Variants in NAV1 observed in about 807,000 individuals in gnomAD.
NAV1 encodes the protein pore membrane and/or filament interacting like protein 3.
A neutral mutation model predicts 175.2 loss-of-function variants in NAV1; 18 were observed. The observed-to-expected ratio is 0.10, with a 90% CI of 0.07 to 0.15. The LOEUF (loss-of-function observed/expected upper bound fraction) is 0.15, where lower values mean the gene tolerates loss of function less well. Among genes scored for constraint, NAV1 ranks in the 10% least tolerant of loss-of-function variants. The pLI is 1.00. For synonymous variants in NAV1, 897 were observed against 978.7 expected, an observed-to-expected ratio of 0.92 and a Z score of 1.56; for missense variants, 1,731 against 2,436.6, an observed-to-expected ratio of 0.71 and a Z score of 6.10.
chr1:201,746,705 A>C (rs1673789023), intron 3 of NAV1, among the ~76,000 whole-genome samples: 1 of 152,142 alleles, frequency 6.6e-6, no homozygotes, highest in South Asian at 2.1e-4. Flanking sequence ...ACTGCATCAA[A>C]ATTTGGAGAG....
At chr1:201,687,566 T>A (rs1218017096) in intron 1 of NAV1, among the ~76,000 whole-genome samples, 1 of 152,218 alleles carries the variant, frequency 6.6e-6, no homozygotes, top group African/African-American at 2.4e-5. Context: ...CTAATAGCCC[T>A]TAGAATATAC....
chr1:201,588,292 T>C (rs756710174), intron 1 of NAV1, among the ~76,000 whole-genome samples: 3 of 152,194 alleles, frequency 2.0e-5, no homozygotes, highest in Non-Finnish European at 4.4e-5. Flanking sequence ...TCTTGCTAAG[T>C]GAAAAAAGCC....
intron 1 of NAV1, among the ~76,000 whole-genome samples, chr1:201,570,734 A>G (rs760212693): frequency 3.9e-5 from 6 of 152,226 alleles, no homozygotes; most frequent in Non-Finnish European, 8.8e-5. Flanking sequence ...AGAGGCACCA[A>G]GCACATTGAG....
At chr1:201,644,488 G>T (rs1255033223), upstream of NAV1, among the ~76,000 whole-genome samples, 1 of 152,220 alleles carries the variant, frequency 6.6e-6, no homozygotes, top group Non-Finnish European at 1.5e-5. Context: ...TCACATTAGG[G>T]AGTGTCAGAA....
Position 201,808,013 on chromosome 1 carries a change from T to C in NAV1, c.3709T>C (p.Tyr1237His), listed in dbSNP as rs1678413648. Reference sequence around the variant, plus strand: ...AAAGGGGCCCAAGTCAGCTTCCTCATACTCGGATATAGAGGAGATTGCTAC... The same window carrying C: ...AAAGGGGCCCAAGTCAGCTTCCTCACACTCGGATATAGAGGAGATTGCTAC... The change falls in exon 18 of 30, where the codon TAC (tyrosine) becomes CAC (histidine). Residue 1237 changes from tyrosine to histidine, a missense_variant. Physicochemically the swap from Tyr to His is moderately conservative, Grantham distance 83. This residue lies in a region of NAV1 where 146 missense variants were observed against 176.8 expected (regional missense o/e 0.83). Transcript: ENST00000367296. This position sits in a 1 kb window ranked among gnomAD's most constrained non-coding sequence, Gnocchi z 5.5. The C allele has an allele frequency of 5.0e-6, 8 of 1,614,186 alleles. No individual in the cohort carries two copies. Among genetic ancestry groups the C allele is most frequent in the Middle Eastern group, 1.6e-4 (1 of 6,062 alleles).
chr1:201,649,907 C>T (rs1669122719), intron 1 of NAV1, among the ~76,000 whole-genome samples: 1 of 152,120 alleles, frequency 6.6e-6, no homozygotes, highest in Non-Finnish European at 1.5e-5. Context: ...AGCTGAGGCT[C>T]CACTTCCTCT....
At chr1:201,728,973 T>C (rs1672731172) in intron 3 of NAV1, among the ~76,000 whole-genome samples, 1 of 152,236 alleles carries the variant, frequency 6.6e-6, no homozygotes, top group Admixed American at 6.5e-5. Context: ...AACCTACAAT[T>C]GAGCTGCTGG....
At chr1:201,778,714 A>T (rs1464286385) in intron 3 of NAV1, among the ~76,000 whole-genome samples, 1 of 152,224 alleles carries the variant, frequency 6.6e-6, no homozygotes, top group Non-Finnish European at 1.5e-5. Flanking sequence ...AAATCACTAC[A>T]GAGCAACAAA....
chr1:201,822,653 T>G (rs1679454208), exon 30 of NAV1: 1 of 152,674 alleles, frequency 6.5e-6, no homozygotes. Context: ...TCCACCACCC[T>G]CTACTCTCAG....
intron 2 of NAV1, among the ~76,000 whole-genome samples, chr1:201,642,190 C>T (rs68103441): frequency 0.21 from 25,536 of 123,488 alleles, 2,750 homozygotes; most frequent in Admixed American, 0.29. Flanking sequence ...CCTTCCTTCC[C>T]TCCTTTCTTC....
chr1:201,822,343 C>T (rs1679432174), exon 30 of NAV1: 1 of 152,642 alleles, frequency 6.6e-6, no homozygotes, highest in Admixed American at 6.5e-5. Context: ...CTCTTCTAAA[C>T]CCTATCCTAA....
chr1:201,561,379 T>TA (rs1666194311), intron 1 of NAV1, among the ~76,000 whole-genome samples: 1 of 152,198 alleles, frequency 6.6e-6, no homozygotes, highest in Non-Finnish European at 1.5e-5. Context: ...CACATGGTGT[T>TA]ACGCAAAAAC....
intron 1 of NAV1, among the ~76,000 whole-genome samples, chr1:201,654,187 C>G (rs1300584634): frequency 6.6e-6 from 1 of 152,198 alleles, no homozygotes; most frequent in Non-Finnish European, 1.5e-5. Context: ...CTCCCTGAAC[C>G]TTAAGCCAAC....
chr1:201,541,723 G>A (rs908843660), intron 1 of NAV1, among the ~76,000 whole-genome samples: 9 of 152,264 alleles, frequency 5.9e-5, no homozygotes, highest in East Asian at 3.9e-4. Flanking sequence ...GCAGTAAGCC[G>A]AGATCATGCC....
chr1:201,684,555 A>G (rs891697749), intron 1 of NAV1, among the ~76,000 whole-genome samples: 7 of 148,270 alleles, frequency 4.7e-5, no homozygotes, highest in African/African-American at 1.5e-4. Context: ...GCTCACTGCA[A>G]CCTCCGTCTC....
At chr1:201,783,745 C>T in exon 7 of NAV1, 1 of 1,614,174 alleles carries the variant, frequency 6.2e-7, no homozygotes, top group Non-Finnish European at 8.5e-7. Flanking sequence ...GTGCCTTCCC[C>T]AGCAGTACTC....
chr1:201,804,593 A>AG, intron 17 of NAV1, 96 bp downstream of exon 21: 1 of 1,159,618 alleles, frequency 8.6e-7, no homozygotes, highest in Non-Finnish European at 1.2e-6. Flanking sequence ...AAAAAAAAAA[A>AG]AAAAAAAAAT....
At chr1:201,618,272 A>G (rs1370003695), upstream of NAV1, among the ~76,000 whole-genome samples, 1 of 152,158 alleles carries the variant, frequency 6.6e-6, no homozygotes, top group Non-Finnish European at 1.5e-5. Context: ...GATGAGGCCT[A>G]TCTTTTCCCC....
intron 3 of NAV1, among the ~76,000 whole-genome samples, chr1:201,734,440 A>G: frequency 1.5e-5 from 2 of 130,448 alleles, no homozygotes; most frequent in Non-Finnish European, 3.5e-5. Flanking sequence ...AAGAGGAAGA[A>G]GAAGAAGAAG....
Sources: gnomAD v4.1 joint callset for allele counts (sites outside exome capture counted in the v4.1 genomes callset) on GRCh38, gnomAD v4.1.1 for gene constraint, gnomAD v4.1.1 regional missense constraint, Gnocchi (gnomAD v3.1) non-coding constraint, MANE v1.5 for transcripts, NCBI Gene and HGNC (gene_info 2026-07-23, HGNC 2026-07-21) for gene names.